HAPSTR1: variants seen among roughly 807,000 people sequenced by gnomAD.
HAPSTR1 encodes the protein HUWE1 associated protein modifying stress responses, also known as HUWE1-associated protein modifying stress responses 1.
At chr16:9,105,627 C>G in the HAPSTR1 span, 7 of 152,196 alleles carry the variant, frequency 4.6e-5, no homozygotes, top group Admixed American at 6.5e-5. Flanking sequence ...TTAAGGTGCT[C>G]TTTTAAAATG....
At chr16:9,103,217 G>A in the HAPSTR1 span, 1 of 1,614,164 alleles carries the variant, frequency 6.2e-7, no homozygotes, top group Non-Finnish European at 8.5e-7. Context: ...CTCATCTGTA[G>A]AGACTGATTT....
At chr16:9,116,876 A>G in the HAPSTR1 span, 1 of 1,614,222 alleles carries the variant, frequency 6.2e-7, no homozygotes, top group Non-Finnish European at 8.5e-7. Context: ...ATGTCATTAC[A>G]GACTCACCAA....
chr16:9,092,306 C>A, the HAPSTR1 span: 1 of 1,445,630 alleles, frequency 6.9e-7, no homozygotes, highest in Non-Finnish European at 9.1e-7. Flanking sequence ...ACCGCTTGGC[C>A]GCCCCCGCCC....
chr16:9,094,988 C>T, the HAPSTR1 span, among the ~76,000 whole-genome samples: 1 of 152,296 alleles, frequency 6.6e-6, no homozygotes, highest in South Asian at 2.1e-4. Flanking sequence ...TTGATTACTT[C>T]ATTTAAAAAT....
the HAPSTR1 span, among the ~76,000 whole-genome samples, chr16:9,096,166 T>G: frequency 0.039 from 5,995 of 152,272 alleles, 381 homozygotes; most frequent in African/African-American, 0.14. Context: ...CTTAATTAAC[T>G]TAAATAGGGA....
the HAPSTR1 span, among the ~76,000 whole-genome samples, chr16:9,099,390 A>G: frequency 6.6e-6 from 1 of 151,964 alleles, no homozygotes; most frequent in Non-Finnish European, 1.5e-5. Flanking sequence ...ATGAGGTTTC[A>G]CCATGTTGGC....
chr16:9,092,342 C>G, the HAPSTR1 span: 1 of 1,228,812 alleles, frequency 8.1e-7, no homozygotes, highest in East Asian at 3.2e-5. Flanking sequence ...CCTATCGGCT[C>G]AGCGGCCGCT....
At chr16:9,092,193 C>T in the HAPSTR1 span, 2 of 1,583,750 alleles carry the variant, frequency 1.3e-6, no homozygotes, top group East Asian at 2.3e-5. Flanking sequence ...GCGGCCGCCG[C>T]GCAGCCCGAG....
At chr16:9,102,348 C>G in the HAPSTR1 span, among the ~76,000 whole-genome samples, 2 of 152,056 alleles carry the variant, frequency 1.3e-5, no homozygotes, top group East Asian at 3.9e-4. Flanking sequence ...ATCATTTTAC[C>G]AAAACCCAGG....
the HAPSTR1 span, chr16:9,091,913 C>T: frequency 8.3e-6 from 6 of 718,740 alleles, no homozygotes; most frequent in East Asian, 1.8e-4. Flanking sequence ...GAGGCCTGGG[C>T]CGCTGAAAGG....
At chr16:9,093,080 T>G in the HAPSTR1 span, 2 of 1,364,912 alleles carry the variant, frequency 1.5e-6, no homozygotes, top group East Asian at 4.8e-5. Flanking sequence ...TCCAAGTGTG[T>G]TTTCTGCTCC....
the HAPSTR1 span, among the ~76,000 whole-genome samples, chr16:9,093,428 T>C: frequency 1.1e-4 from 17 of 152,200 alleles, no homozygotes; most frequent in Non-Finnish European, 2.4e-4. Flanking sequence ...TGAGGGAAGA[T>C]AAGAGTTGAT....
the HAPSTR1 span, chr16:9,116,933 C>T: frequency 6.2e-7 from 1 of 1,610,876 alleles, no homozygotes; most frequent in Non-Finnish European, 8.5e-7. Context: ...TTTTCACACC[C>T]ACCATGCTGC....
the HAPSTR1 span, chr16:9,117,248 G>T: frequency 8.8e-6 from 2 of 228,266 alleles, no homozygotes; most frequent in Non-Finnish European, 1.7e-5. Flanking sequence ...ATGTTTATTT[G>T]GTTATAGAAT....
the HAPSTR1 span, chr16:9,093,104 T>A: frequency 8.8e-7 from 1 of 1,134,512 alleles, no homozygotes. Flanking sequence ...GCCCAGCTGC[T>A]AACCTTGAAT....
the HAPSTR1 span, among the ~76,000 whole-genome samples, chr16:9,095,471 C>A: frequency 6.6e-6 from 1 of 151,996 alleles, no homozygotes; most frequent in Non-Finnish European, 1.5e-5. Flanking sequence ...GTGGATACTT[C>A]TAAGTGGGCA....
At chr16:9,113,546 A>G in the HAPSTR1 span, among the ~76,000 whole-genome samples, 18 of 152,180 alleles carry the variant, frequency 1.2e-4, no homozygotes, top group Non-Finnish European at 1.8e-4. Context: ...TGAGACTCCT[A>G]TGTTAACAAG....
chr16:9,116,258 T>C, the HAPSTR1 span, among the ~76,000 whole-genome samples: 3 of 152,194 alleles, frequency 2.0e-5, no homozygotes, highest in Admixed American at 1.3e-4. Flanking sequence ...ATCACACACA[T>C]ACACACTCAT....
the HAPSTR1 span, chr16:9,110,266 C>G: frequency 2.7e-5 from 4 of 148,582 alleles, no homozygotes; most frequent in South Asian, 2.1e-4. Context: ...TTTGGAGAAA[C>G]TGGATGTAGG....
Sources: allele counts gnomAD v4.1 joint callset (sites outside exome capture counted in the v4.1 genomes callset), GRCh38; gene constraint gnomAD v4.1.1; transcripts MANE v1.5; gene names NCBI Gene and HGNC (gene_info 2026-07-23, HGNC 2026-07-21).